The following NRG1 variants were observed in gnomAD, a reference collection of about 807,000 sequenced individuals.
NRG1 encodes the protein neuregulin 1, also known as pro-neuregulin-1, membrane-bound isoform.
Under a neutral mutation model 63.8 loss-of-function variants are expected in NRG1, and 18 were observed. The observed-to-expected ratio is 0.28, with a 90% CI of 0.19 to 0.42. The LOEUF is 0.42. Ranked by LOEUF, NRG1 falls within the 10% of genes least tolerant of loss-of-function variation. NRG1 has a pLI of 1.00. For missense variants in NRG1, 762 were observed against 814.7 expected (o/e 0.94, Z 0.79); for synonymous variants, 302 against 301.3 (o/e 1.00, Z -0.02).
intron 1 of NRG1, among the ~76,000 whole-genome samples, chr8:31,953,764 T>G (rs555097865): frequency 1.1e-4 from 16 of 152,306 alleles, no homozygotes; most frequent in African/African-American, 3.1e-4. Context: ...CTTCCTATAT[T>G]CCTGGCATGG....
intron 1 of NRG1, among the ~76,000 whole-genome samples, chr8:31,876,907 G>T: frequency 6.6e-6 from 1 of 152,134 alleles, no homozygotes; most frequent in East Asian, 1.9e-4. Flanking sequence ...CAAAGTGTGT[G>T]CATACTTTCT....
intron 1 of NRG1, among the ~76,000 whole-genome samples, chr8:31,795,259 G>A (rs539703936): frequency 3.3e-5 from 5 of 152,306 alleles, no homozygotes; most frequent in East Asian, 1.9e-4. Flanking sequence ...AGTGACAGGC[G>A]TGTCCCCTAA....
chr8:31,948,078 G>A (rs118026018), intron 1 of NRG1, among the ~76,000 whole-genome samples: 5,535 of 151,666 alleles, frequency 0.036, 213 homozygotes, highest in Admixed American at 0.13. Context: ...GTGTGTGTGC[G>A]CATGCACATA....
At chr8:32,407,453 T>A (rs919862724) in intron 1 of NRG1, among the ~76,000 whole-genome samples, 1 of 151,634 alleles carries the variant, frequency 6.6e-6, no homozygotes, top group African/African-American at 2.4e-5. Flanking sequence ...TCCTTTACAA[T>A]GAAGAACATA....
intron 5 of NRG1, among the ~76,000 whole-genome samples, chr8:32,623,220 T>C (rs1308001036): frequency 6.6e-6 from 1 of 152,234 alleles, no homozygotes; most frequent in Non-Finnish European, 1.5e-5. Context: ...TTGATTAGAT[T>C]GGACCAGATC....
At chr8:32,060,638 C>T (rs28743075) in intron 1 of NRG1, among the ~76,000 whole-genome samples, 7,782 of 151,896 alleles carry the variant, frequency 0.051, 577 homozygotes, top group African/African-American at 0.16. Context: ...ATATCTCAAA[C>T]GGAGATATTT....
chr8:32,738,507 A>G (rs931581471), intron 6 of NRG1, among the ~76,000 whole-genome samples: 2 of 152,158 alleles, frequency 1.3e-5, no homozygotes, highest in Non-Finnish European at 2.9e-5. Flanking sequence ...GATTGTTCTC[A>G]GACATAAAAT....
chr8:32,358,000 G>A (rs1380501244), intron 1 of NRG1, among the ~76,000 whole-genome samples: 1 of 152,174 alleles, frequency 6.6e-6, no homozygotes. Flanking sequence ...CTCTTCTGCA[G>A]CAGATGTGGC....
chr8:32,084,787 C>G (rs1019262420), intron 1 of NRG1, among the ~76,000 whole-genome samples: 1 of 152,112 alleles, frequency 6.6e-6, no homozygotes, highest in African/African-American at 2.4e-5. Context: ...AGTGACAGCC[C>G]TGCTTCAAGG....
At chr8:32,288,668 C>G (rs1376008722) in intron 1 of NRG1, among the ~76,000 whole-genome samples, 2 of 152,130 alleles carry the variant, frequency 1.3e-5, no homozygotes, top group Non-Finnish European at 1.5e-5. Flanking sequence ...CATACTGTCA[C>G]CATCCTTGAG....
At chr8:32,507,538 C>G (rs1828675412) in intron 1 of NRG1, among the ~76,000 whole-genome samples, 1 of 152,024 alleles carries the variant, frequency 6.6e-6, no homozygotes. Context: ...TGATAAACAG[C>G]ATGAGGGAGA....
At chr8:32,215,752 T>C (rs1173513507) in intron 1 of NRG1, among the ~76,000 whole-genome samples, 6 of 152,266 alleles carry the variant, frequency 3.9e-5, no homozygotes, top group African/African-American at 1.4e-4. Flanking sequence ...ATCGAAAACA[T>C]TGGTAGTTGC....
chr8:32,124,050 T>C (rs1307167565), intron 1 of NRG1, among the ~76,000 whole-genome samples: 1 of 142,374 alleles, frequency 7.0e-6, no homozygotes, highest in Non-Finnish European at 1.5e-5. Context: ...GTTTTCTCTC[T>C]TTTCCCTTTA....
At chr8:32,531,101 G>C (rs898107555) in intron 1 of NRG1, among the ~76,000 whole-genome samples, 1 of 135,324 alleles carries the variant, frequency 7.4e-6, no homozygotes, top group African/African-American at 2.5e-5. Context: ...CCATCAGAAA[G>C]AAAGAAAGGA....
intron 1 of NRG1, among the ~76,000 whole-genome samples, chr8:32,231,290 T>A (rs966516510): frequency 1.3e-5 from 2 of 152,182 alleles, no homozygotes; most frequent in Non-Finnish European, 2.9e-5. Flanking sequence ...ATTTGTGTGC[T>A]GTATATCAGG....
intron 1 of NRG1, among the ~76,000 whole-genome samples, chr8:32,271,786 A>G (rs1425332141): frequency 1.3e-5 from 2 of 152,160 alleles, no homozygotes; most frequent in African/African-American, 2.4e-5. Flanking sequence ...CTTACTCTAC[A>G]ATCATGCACC....
intron 1 of NRG1, among the ~76,000 whole-genome samples, chr8:31,763,611 A>G (rs544803793): frequency 6.6e-6 from 1 of 152,320 alleles, no homozygotes; most frequent in South Asian, 2.1e-4. Flanking sequence ...TTGATTAGGG[A>G]TGCTAGATGT....
chr8:32,301,729 C>A (rs1309667818), intron 1 of NRG1, among the ~76,000 whole-genome samples: 3 of 152,130 alleles, frequency 2.0e-5, no homozygotes, highest in Non-Finnish European at 4.4e-5. Flanking sequence ...ACCATCAGAT[C>A]TCGTGAGACT....
At chr8:32,748,587 G>A in intron 7 of NRG1, 5 of 382,926 alleles carry the variant, frequency 1.3e-5, no homozygotes, top group South Asian at 9.4e-5. Flanking sequence ...TGGAGTCCCA[G>A]CTGCCAGGAT....
Sources: gnomAD v4.1 joint callset for allele counts (sites outside exome capture counted in the v4.1 genomes callset) on GRCh38, gnomAD v4.1.1 for gene constraint, MANE v1.5 for transcripts, NCBI Gene and HGNC (gene_info 2026-07-23, HGNC 2026-07-21) for gene names.